ZNF736: variants seen among roughly 807,000 people sequenced by gnomAD.
ZNF736 encodes the protein zinc finger protein 736.
A neutral mutation model predicts 11.7 loss-of-function variants in ZNF736; 6 were observed. That is an observed-to-expected ratio of 0.51 (90% CI 0.28 to 1.01). The LOEUF is 1.01. Among genes scored for constraint, ZNF736 ranks in the 50% least tolerant of loss-of-function variants. The probability of loss-of-function intolerance (pLI) is 0.09; values close to 1 mark genes in which losing one functional copy is unlikely to be tolerated. For synonymous variants in ZNF736, 139 were observed against 164.7 expected, an observed-to-expected ratio of 0.84 and a Z score of 1.19; for missense variants, 444 against 496.0, an observed-to-expected ratio of 0.90 and a Z score of 1.00.
chr7:64,347,217 C>CTTTTTTTTTTTT (rs35033527), intron 3 of ZNF736, among the ~76,000 whole-genome samples: 10 of 55,868 alleles, frequency 1.8e-4, no homozygotes, highest in African/African-American at 2.3e-4. Flanking sequence ...AAATGTTCGC[C>CTTTTTTTTTTTT]TTTTTTTTTT....
At chr7:64,326,380 A>C (rs1264857454) in intron 1 of ZNF736, among the ~76,000 whole-genome samples, 2 of 152,226 alleles carry the variant, frequency 1.3e-5, no homozygotes, top group African/African-American at 2.4e-5. Context: ...ACAGCAGAGC[A>C]ATCAGCCATT....
At chr7:64,327,050 C>T (rs1345577669) in intron 1 of ZNF736, among the ~76,000 whole-genome samples, 5 of 152,066 alleles carry the variant, frequency 3.3e-5, no homozygotes, top group Non-Finnish European at 7.4e-5. Flanking sequence ...TTGTAAATTT[C>T]TATTAGGTCT....
In ZNF736 at chr7:64,331,586, T is replaced by C. The variant is rs141160585; in HGVS notation, c.4-4673T>C. 1.6e-4 allele frequency among the ~76,000 whole-genome samples: 24 copies of C among 152,320 alleles called. No homozygotes were observed. In the East Asian group the frequency reaches 4.6e-3, roughly 29 times the overall value. On this transcript the variant is annotated intron_variant, in intron 1 of 3. Transcript: ENST00000423484. ...TTTGGATAGTCATTCTATTTGGTGT[T>C]TTATCTGGGGGATGATTGCTGGAGG...
chr7:64,356,362 A>G lies in ZNF736; in HGVS notation c.*7215A>G, dbSNP rs1789553516. On this transcript the variant is annotated 3_prime_UTR_variant, in exon 4 of 4. Transcript: ENST00000423484. The stretch of plus-strand genomic sequence containing the variant: ...AAAGCACATTCAGAATGTCACTTTC[A>G]TAGATACTATGAATATCAATTGTCA... 6.6e-6 allele frequency among the ~76,000 whole-genome samples: 1 copy of G among 152,186 alleles called. No individual in the cohort carries two copies. Among genetic ancestry groups the G allele is most frequent in the Admixed American group, 6.5e-5 (1 of 15,282 alleles).
intron 3 of ZNF736, among the ~76,000 whole-genome samples, chr7:64,342,010 T>A (rs1293559403): frequency 6.6e-6 from 1 of 152,206 alleles, no homozygotes; most frequent in South Asian, 2.1e-4. Flanking sequence ...GAGGACAATT[T>A]TTTGATGTAT....
intron 3 of ZNF736, among the ~76,000 whole-genome samples, chr7:64,346,683 C>T (rs1485712275): frequency 6.6e-6 from 1 of 151,942 alleles, no homozygotes; most frequent in Non-Finnish European, 1.5e-5. Context: ...TTTGTGTTAT[C>T]TTAGTTGAAG....
At chr7:64,324,990 A>C (rs1008154328) in intron 1 of ZNF736, among the ~76,000 whole-genome samples, 3 of 152,234 alleles carry the variant, frequency 2.0e-5, no homozygotes, top group Non-Finnish European at 4.4e-5. Context: ...CTACTTCTAC[A>C]GCTGCATTCT....
At chr7:64,320,305 C>A (rs1217625659) in intron 1 of ZNF736, among the ~76,000 whole-genome samples, 1 of 152,206 alleles carries the variant, frequency 6.6e-6, no homozygotes, top group East Asian at 1.9e-4. Context: ...AGGCCAGACA[C>A]AAGATTTTAA....
In ZNF736 at chr7:64,348,464, T is replaced by C. The variant is rs777323384; in HGVS notation, c.601T>C (p.Tyr201His). 9.0e-6 allele frequency: 14 copies of C among 1,547,848 alleles called. No individual in the cohort carries two copies. In the South Asian group the frequency reaches 1.5e-4, roughly 17 times the overall value. ...GAAAATTCATACTGTAGAGAGATGC[T>C]ACAAATGTGAAGAATGTGGCAAAGC... ...HKKIHTVERC[Y>H]KCEECGKAFK... The change falls in exon 4 of 4, where the codon TAC becomes CAC. Residue 201 changes from tyrosine (Y) to histidine (H), a missense_variant. By Grantham distance (83) the Tyr-to-His change is moderately conservative. Transcript: ENST00000423484.
chr7:64,355,238 A>T lies in ZNF736; in HGVS notation c.*6091A>T. ...CCTGGAATTGCTGACACAGGTTAAGAGTATGCACCACAGGTATCGAAACCT... is the reference window on the plus strand; with the variant it reads ...CCTGGAATTGCTGACACAGGTTAAGTGTATGCACCACAGGTATCGAAACCT... On this transcript the variant is annotated 3_prime_UTR_variant, in exon 4 of 4. Transcript: ENST00000423484. 5.7e-6 allele frequency: 1 copy of T among 175,296 alleles called. No homozygotes were observed. The highest frequency in any genetic ancestry group is 1.6e-4 in the South Asian group (1 of 6,092). 10.9% of individuals were successfully genotyped at this position (175,296 alleles called of 1,614,324 possible). A position where few individuals can be genotyped will look rare whatever the true frequency, so the allele number is the denominator to read the frequency against.
intron 1 of ZNF736, among the ~76,000 whole-genome samples, chr7:64,324,526 GC>G (rs571806118): frequency 6.6e-6 from 1 of 151,904 alleles, no homozygotes; most frequent in East Asian, 1.9e-4. Context: ...ATGTGATTTT[GC>G]CCCCCCGGAC....
At position 64,353,361 on chromosome 7, in the gene ZNF736, G is replaced by A. The variant is rs1187756923; in HGVS notation, c.*4214G>A. The A allele has an allele frequency of 6.6e-6, 1 of 152,196 alleles. No homozygotes were observed. The highest frequency in any genetic ancestry group is 6.5e-5 in the Admixed American group (1 of 15,280). The allele number at this position is 152,196 out of a possible 1,614,324, so 9.4% of individuals were successfully genotyped here. A position where few individuals can be genotyped will look rare whatever the true frequency, so the allele number is the denominator to read the frequency against. ...AAGTACCTGGATGTTTCAGTTGCAG[G>A]TGCTGTATTTATGTATACCTTGCAT... On this transcript the variant is annotated 3_prime_UTR_variant, in exon 4 of 4. Coordinates refer to ENST00000423484, the MANE Select transcript of ZNF736 (RefSeq NM_001170905.3).
At chr7:64,317,273 C>T (rs762898293) in intron 1 of ZNF736, among the ~76,000 whole-genome samples, 1 of 152,098 alleles carries the variant, frequency 6.6e-6, no homozygotes, top group African/African-American at 2.4e-5. Context: ...ACAGTTTTAT[C>T]AGTAATTTTT....
intron 1 of ZNF736, among the ~76,000 whole-genome samples, chr7:64,331,699 C>G (rs1271968898): frequency 6.6e-6 from 1 of 152,184 alleles, no homozygotes; most frequent in East Asian, 1.9e-4. Flanking sequence ...AGCCCGGGGT[C>G]AATCACGAGC....
In ZNF736 at chr7:64,336,865, G is replaced by T. The variant is rs753131118; in HGVS notation, c.131-22G>T. ...ATCAGATTATCCTAGCAAGAGTCATGTTTTTTTTTCTAATAAAACAGGTCT... is the reference window on the plus strand; with the variant it reads ...ATCAGATTATCCTAGCAAGAGTCATTTTTTTTTTTCTAATAAAACAGGTCT... On this transcript the variant is annotated intron_variant, in intron 2 of 3. Transcript: ENST00000423484. 4.7e-6 allele frequency: 7 copies of T among 1,481,230 alleles called. No individual in the cohort carries two copies. In the East Asian group the frequency reaches 1.7e-4, roughly 36 times the overall value. The allele number at this position is 1,481,230 out of a possible 1,614,324, so 91.8% of individuals were successfully genotyped here. A position where few individuals can be genotyped will look rare whatever the true frequency, so the allele number is the denominator to read the frequency against.
intron 3 of ZNF736, among the ~76,000 whole-genome samples, chr7:64,341,751 T>C (rs79526791): frequency 0.089 from 13,559 of 152,190 alleles, 981 homozygotes; most frequent in African/African-American, 0.19. Flanking sequence ...GACCAATTGC[T>C]GTTGAAGGAA....
intron 3 of ZNF736, among the ~76,000 whole-genome samples, chr7:64,345,134 C>T (rs1329214009): frequency 6.6e-6 from 1 of 151,788 alleles, no homozygotes; most frequent in African/African-American, 2.4e-5. Context: ...CACCATTCTT[C>T]TGCCGACGCC....
intron 3 of ZNF736, among the ~76,000 whole-genome samples, chr7:64,343,239 A>T (rs1398594297): frequency 1.3e-5 from 2 of 152,236 alleles, no homozygotes; most frequent in Non-Finnish European, 2.9e-5. Flanking sequence ...CAGCCAAAAA[A>T]AATTGTGTTC....
intron 3 of ZNF736, among the ~76,000 whole-genome samples, chr7:64,344,901 G>A (rs1456136430): frequency 2.0e-5 from 3 of 150,526 alleles, no homozygotes; most frequent in African/African-American, 4.9e-5. Flanking sequence ...TAAGCATAAT[G>A]CTTCCAATAT....
Sources: allele counts gnomAD v4.1 joint callset (sites outside exome capture counted in the v4.1 genomes callset), GRCh38; gene constraint gnomAD v4.1.1; transcripts MANE v1.5; gene names NCBI Gene and HGNC (gene_info 2026-07-23, HGNC 2026-07-21).